RBFOX1: variants seen among roughly 807,000 people sequenced by gnomAD.
The protein encoded by RBFOX1 is RNA binding fox-1 homolog 1.
In RBFOX1, 8 loss-of-function variants were observed where a neutral mutation model predicts 57.7. The observed-to-expected ratio is 0.14, with a 90% CI of 0.08 to 0.25. The LOEUF (loss-of-function observed/expected upper bound fraction) is 0.25, where lower values mean the gene tolerates loss of function less well. RBFOX1 is among the 10% of genes least tolerant of loss of function. The pLI is 1.00. For missense variants in RBFOX1, 611 were observed against 548.5 expected, an observed-to-expected ratio of 1.11 and a Z score of -1.14; for synonymous variants, 326 against 222.4, an observed-to-expected ratio of 1.47 and a Z score of -4.15.
intron 2 of RBFOX1, among the ~76,000 whole-genome samples, chr16:5,575,832 A>T (rs550335781): frequency 7.6e-6 from 1 of 131,324 alleles, no homozygotes; most frequent in African/African-American, 2.9e-5. Flanking sequence ...GTGCCAGGAC[A>T]CTGAATTTTC....
chr16:5,814,169 C>T (rs1267616044), intron 3 of RBFOX1, among the ~76,000 whole-genome samples: 5 of 152,134 alleles, frequency 3.3e-5, no homozygotes, highest in South Asian at 2.1e-4. Context: ...TCTTGAGGCC[C>T]GCCTGTGCTG....
rs114405814 is a variant in RBFOX1 at position 7,480,976 on chromosome 16, T to C, written c.28-37171T>C. On this transcript the variant is annotated intron_variant, in intron 4 of 15. Coordinates refer to ENST00000550418, the MANE Select transcript of RBFOX1 (RefSeq NM_018723.4). The stretch of plus-strand genomic sequence containing the variant: ...ATGCTACTGTCTTTTCCACAGCTTA[T>C]AGGGCTGCTACCTGCCATGCATGAT... Among the ~76,000 whole-genome samples, 1,234 of 152,290 alleles carry C rather than the reference T, an allele frequency of 8.1e-3. 18 individuals are homozygous for C. Among genetic ancestry groups the C allele is most frequent in the African/African-American group, 0.029 (1,204 of 41,564 alleles).
At chr16:6,020,298 T>G (rs1156716485) in intron 1 of RBFOX1, among the ~76,000 whole-genome samples, 1 of 152,058 alleles carries the variant, frequency 6.6e-6, no homozygotes, top group Non-Finnish European at 1.5e-5. Context: ...GAGCGAGTCC[T>G]AGGTGCCAGG....
chr16:6,634,164 G>T (rs564857009), intron 2 of RBFOX1, among the ~76,000 whole-genome samples: 4 of 152,298 alleles, frequency 2.6e-5, no homozygotes, highest in African/African-American at 9.6e-5. Context: ...TGGAGGTTCA[G>T]AATGGGTAGA....
chr16:6,435,912 C>T (rs1192153840), intron 2 of RBFOX1, among the ~76,000 whole-genome samples: 1 of 152,122 alleles, frequency 6.6e-6, no homozygotes, highest in Non-Finnish European at 1.5e-5. Context: ...CACACCATGA[C>T]TTCTGTTGCA....
intron 11 of RBFOX1, among the ~76,000 whole-genome samples, chr16:7,633,481 CA>C (rs772810908): frequency 2.6e-5 from 4 of 152,130 alleles, no homozygotes; most frequent in Non-Finnish European, 5.9e-5. Flanking sequence ...TCTATTCCCC[CA>C]TTCTTGAGAA....
chr16:5,894,829 G>A (rs1194557141), intron 4 of RBFOX1, among the ~76,000 whole-genome samples: 1 of 152,020 alleles, frequency 6.6e-6, no homozygotes, highest in Non-Finnish European at 1.5e-5. Context: ...AGACCATCTT[G>A]GCTAACACGG....
intron 1 of RBFOX1, among the ~76,000 whole-genome samples, chr16:5,448,098 T>C (rs1401030545): frequency 1.3e-5 from 2 of 152,224 alleles, no homozygotes; most frequent in African/African-American, 2.4e-5. Context: ...GCTGGATATG[T>C]CTTTTGACAT....
At chr16:7,090,324 CGATTTCAGTAT>C (rs908048013) in intron 4 of RBFOX1, among the ~76,000 whole-genome samples, 2 of 152,130 alleles carry the variant, frequency 1.3e-5, no homozygotes, top group African/African-American at 4.8e-5. Context: ...TAATAGCACA[CGATTTCAGTAT>C]GTTTTTACTA....
At chr16:5,997,646 A>T (rs2060514086) in intron 4 of RBFOX1, among the ~76,000 whole-genome samples, 1 of 152,188 alleles carries the variant, frequency 6.6e-6, no homozygotes, top group Non-Finnish European at 1.5e-5. Flanking sequence ...TGCCAAGGAA[A>T]ACAAAATATT....
chr16:6,596,194 G>T (rs575115594), intron 2 of RBFOX1, among the ~76,000 whole-genome samples: 6 of 151,458 alleles, frequency 4.0e-5, no homozygotes, highest in Non-Finnish European at 8.8e-5. Context: ...TTCACCCCAA[G>T]GTCACAGAGA....
rs2056940383 is a variant in RBFOX1, at chr16:5,853,200, A to C, written c.319-14103A>C. 1.3e-5 allele frequency among the ~76,000 whole-genome samples: 2 copies of C among 152,066 alleles called. 1 individual carries two copies. The highest frequency in any genetic ancestry group is 4.1e-4 in the South Asian group (2 of 4,826). On this transcript the variant is annotated intron_variant, in intron 3 of 19. Coordinates refer to the RBFOX1 transcript ENST00000641259. ...TTCTTGGGGTGAAGTTTGGAGCCTC[A>C]GCCTTGCATTTCAATGCCAGGTAGC...
At position 6,052,580 on chromosome 16, in the gene RBFOX1, C is replaced by T. The variant is rs529260795; in HGVS notation, c.-127+32588C>T. 1.4e-3 allele frequency among the ~76,000 whole-genome samples: 212 copies of T among 151,926 alleles called. 2 individuals are homozygous for T. The highest frequency in any genetic ancestry group is 9.2e-3 in the South Asian group (44 of 4,804). On this transcript the variant is annotated intron_variant, in intron 1 of 15. Coordinates refer to ENST00000550418, the MANE Select transcript of RBFOX1 (RefSeq NM_018723.4). ...CGGGCGGATCACGAGGTCAGGAGAT[C>T]GACACCATCCTGGCTAACTTGGTGA...
At chr16:5,318,103 T>C (rs929690588) in intron 1 of RBFOX1, among the ~76,000 whole-genome samples, 15 of 152,154 alleles carry the variant, frequency 9.9e-5, no homozygotes, top group Non-Finnish European at 2.1e-4. Context: ...TAAGACACTT[T>C]AACAGGTTGT....
At chr16:5,708,207 C>T (rs1426613843) in intron 3 of RBFOX1, among the ~76,000 whole-genome samples, 1 of 152,130 alleles carries the variant, frequency 6.6e-6, no homozygotes, top group Non-Finnish European at 1.5e-5. Flanking sequence ...TGTATGACTT[C>T]ATTCATTCAG....
At chr16:7,293,813 C>T (rs542254810) in intron 4 of RBFOX1, among the ~76,000 whole-genome samples, 278 of 152,248 alleles carry the variant, frequency 1.8e-3, no homozygotes, top group African/African-American at 6.4e-3. Context: ...TCACCTCCAA[C>T]AATCATCAGA....
chr16:6,239,781 GC>G (rs1449441621), intron 1 of RBFOX1, among the ~76,000 whole-genome samples: 1 of 152,132 alleles, frequency 6.6e-6, no homozygotes, highest in African/African-American at 2.4e-5. Flanking sequence ...ACAGGGGTGA[GC>G]CACCATGCCC....
At chr16:6,043,601 C>T (rs971671530) in intron 1 of RBFOX1, among the ~76,000 whole-genome samples, 1 of 152,300 alleles carries the variant, frequency 6.6e-6, no homozygotes, top group Non-Finnish European at 1.5e-5. Context: ...TCCCTTTTGG[C>T]GATGGCCAGA....
intron 2 of RBFOX1, among the ~76,000 whole-genome samples, chr16:6,394,383 A>G (rs756171384): frequency 9.2e-5 from 14 of 152,230 alleles, no homozygotes; most frequent in Non-Finnish European, 1.8e-4. Flanking sequence ...ATGCATGTGA[A>G]TAAAAGAGAA....
Sources: gnomAD v4.1 joint callset for allele counts (sites outside exome capture counted in the v4.1 genomes callset) on GRCh38, gnomAD v4.1.1 for gene constraint, MANE v1.5 for transcripts, NCBI Gene and HGNC (gene_info 2026-07-23, HGNC 2026-07-21) for gene names.